AMZ1: variants seen among roughly 807,000 people sequenced by gnomAD.
The protein encoded by AMZ1 is archaemetzincin-1.
A neutral mutation model predicts 29.9 loss-of-function variants in AMZ1; 39 were observed. The observed-to-expected ratio is 1.30, with a 90% CI of 1.01 to 1.70. The LOEUF is 1.70. Ranked by LOEUF, AMZ1 falls within the 40% of genes most tolerant of loss-of-function variation. AMZ1 has a pLI of 0.00. For missense variants in AMZ1, 1,041 were observed against 680.6 expected (o/e 1.53, Z -5.89); for synonymous variants, 458 against 304.0 (o/e 1.51, Z -5.27).
intron 4 of AMZ1, among the ~76,000 whole-genome samples, chr7:2,743,408 C>T (rs1008170519): frequency 3.2e-4 from 48 of 152,230 alleles, no homozygotes; most frequent in Non-Finnish European, 2.1e-4. Flanking sequence ...TCATCAGGGG[C>T]AAAAACAATC....
chr7:2,765,054 A>G (rs1791746692), intron 1 of AMZ1: 1 of 152,226 alleles, frequency 6.6e-6, no homozygotes, highest in Non-Finnish European at 1.5e-5. Context: ...AGAAATCTGA[A>G]TCCAGGGAAT....
rs559778554 is a variant in AMZ1, at chr7:2,740,393, G to A, written n.551-24319G>A. Among the ~76,000 whole-genome samples, 156 of 152,196 alleles carry A rather than the reference G, an allele frequency of 1.0e-3. 1 individual carries two copies. The highest frequency in any genetic ancestry group is 3.6e-3 in the African/African-American group (149 of 41,542). ...ACCGGAGAGCTCTCCCTCTCACTCC[G>A]TCCTATGTGAGGCACCAGGACACAG... On this transcript the variant is annotated intron_variant and non_coding_transcript_variant, in intron 4 of 4. Transcript: ENST00000489665.
rs1027124035 is a variant in AMZ1 at position 2,699,441 on chromosome 7, A to C, written c.-218-793A>C. Among the ~76,000 whole-genome samples, 5 of 152,036 alleles carry C rather than the reference A, an allele frequency of 3.3e-5. No individual in the cohort carries two copies. The East Asian group carries it at 9.6e-4, about 29-fold the overall frequency. ...CTGTTTCTAGCTGGTGGGGTTTGGC[A>C]CAAACGCCTGCCCTGACTGCTTCAT... is the stretch of plus-strand genomic sequence containing the variant. On this transcript the variant is annotated intron_variant, in intron 1 of 6. Transcript: ENST00000683327.
At chr7:2,754,717 C>G (rs1042310676) in intron 4 of AMZ1, among the ~76,000 whole-genome samples, 1 of 152,176 alleles carries the variant, frequency 6.6e-6, no homozygotes. Context: ...CCACTACACT[C>G]CAGTCCGAGC....
At chr7:2,696,514 C>T (rs1466330248) in intron 1 of AMZ1, among the ~76,000 whole-genome samples, 2 of 151,084 alleles carry the variant, frequency 1.3e-5, no homozygotes, top group South Asian at 2.1e-4. Flanking sequence ...GCCTGGGCCT[C>T]CCAAAGTGCT....
intron 3 of AMZ1, among the ~76,000 whole-genome samples, chr7:2,706,305 C>T (rs182324948): frequency 3.7e-4 from 56 of 152,246 alleles, no homozygotes; most frequent in Admixed American, 9.8e-4. Context: ...TAGCTGGGAC[C>T]GCAGACACGT....
At chr7:2,711,091 TG>T (rs1441931032) in intron 6 of AMZ1, among the ~76,000 whole-genome samples, 1 of 152,218 alleles carries the variant, frequency 6.6e-6, no homozygotes, top group Admixed American at 6.5e-5. Flanking sequence ...GGATCTGAGC[TG>T]GAGGGTGTAG....
downstream of AMZ1, among the ~76,000 whole-genome samples, chr7:2,721,448 A>G (rs1183017818): frequency 6.6e-6 from 1 of 152,112 alleles, no homozygotes; most frequent in Non-Finnish European, 1.5e-5. Flanking sequence ...GGCTGGGCGC[A>G]GTGGGTCACT....
chr7:2,716,288 CCT>C lies in AMZ1; in HGVS notation c.*3415_*3416del, dbSNP rs1390259029. 2 of 152,274 alleles carry C rather than the reference CCT, an allele frequency of 1.3e-5. No homozygotes were observed. The highest frequency in any genetic ancestry group is 1.9e-4 in the East Asian group (1 of 5,170). 9.4% of individuals were successfully genotyped at this position (152,274 alleles called of 1,614,324 possible). ...CCTCTTCCGAAATCTCATTCTTTTC[CCT>C]CTCTTCCTCCCCAAAAAGCCCAAAC... is the stretch of plus-strand genomic sequence containing the variant. On this transcript the variant is annotated 3_prime_UTR_variant, in exon 7 of 7. Transcript: ENST00000683327.
At chr7:2,691,131 C>CAA (rs35603123) in intron 1 of AMZ1, among the ~76,000 whole-genome samples, 14,017 of 68,482 alleles carry the variant, frequency 0.2, 1,695 homozygotes, top group East Asian at 0.28. Context: ...GTGACAGAGG[C>CAA]AAAAAAAAAA....
chr7:2,710,985 C>G (rs1044484424), intron 6 of AMZ1, among the ~76,000 whole-genome samples: 2 of 152,234 alleles, frequency 1.3e-5, no homozygotes, highest in African/African-American at 2.4e-5. Flanking sequence ...CATTTGATGC[C>G]TTCACCTGGG....
chr7:2,741,475 G>A (rs992818503), intron 4 of AMZ1, among the ~76,000 whole-genome samples: 2 of 152,214 alleles, frequency 1.3e-5, no homozygotes, highest in Admixed American at 1.3e-4. Context: ...GCATGTCACA[G>A]TTGGACTGCC....
At chr7:2,703,410 G>C (rs1788175359) in intron 3 of AMZ1, among the ~76,000 whole-genome samples, 1 of 152,174 alleles carries the variant, frequency 6.6e-6, no homozygotes, top group African/African-American at 2.4e-5. Context: ...CAAAGTGCTG[G>C]GATGACAGGC....
At chr7:2,696,416 C>T (rs1168155397) in intron 1 of AMZ1, among the ~76,000 whole-genome samples, 2 of 151,008 alleles carry the variant, frequency 1.3e-5, no homozygotes, top group South Asian at 2.1e-4. Context: ...GCCACCACGC[C>T]TGGCTAATTT....
chr7:2,700,317 C>CTT lies in AMZ1; in HGVS notation c.-134_-133insTT, dbSNP rs1787972334. 5.9e-6 allele frequency: 6 copies of CTT among 1,020,050 alleles called. No individual in the cohort carries two copies. Among genetic ancestry groups the CTT allele is most frequent in the Admixed American group, 5.4e-5 (2 of 36,708 alleles). The allele number at this position is 1,020,050 out of a possible 1,614,324, so 63.2% of individuals were successfully genotyped here. Reference sequence around the variant, plus strand: ...GCCTTAAGGGCCCTTGGACCAGTGTCTGTCTGCAGGGAGCCCCCGGTAGCC... The same window carrying CTT: ...GCCTTAAGGGCCCTTGGACCAGTGTCTTTGTCTGCAGGGAGCCCCCGGTAGCC... On this transcript the variant is annotated 5_prime_UTR_variant, in exon 2 of 7. Transcript: ENST00000683327.
rs1007710619 is a variant in AMZ1, at chr7:2,718,526, G to A, written c.*5648G>A. Among the ~76,000 whole-genome samples, 4 of 152,144 alleles carry A rather than the reference G, an allele frequency of 2.6e-5. No individual in the cohort carries two copies. The highest frequency in any genetic ancestry group is 2.1e-4 in the South Asian group (1 of 4,826). ...ACTCTTGGACGCTGGTGGCAGCCGC[G>A]GGCGCCCACTCACCTGGCACGTGGA... On this transcript the variant is annotated 3_prime_UTR_variant, in exon 7 of 7. Coordinates refer to ENST00000683327, the MANE Select transcript of AMZ1 (RefSeq NM_001384743.1).
chr7:2,741,888 C>T (rs1790525117), intron 4 of AMZ1, among the ~76,000 whole-genome samples: 1 of 150,848 alleles, frequency 6.6e-6, no homozygotes, highest in Non-Finnish European at 1.5e-5. Context: ...GTATTAGACA[C>T]CGAGGTTTAT....
At chr7:2,707,646 A>T (rs1393915066) in intron 3 of AMZ1, among the ~76,000 whole-genome samples, 10 of 152,014 alleles carry the variant, frequency 6.6e-5, no homozygotes, top group Non-Finnish European at 1.0e-4. Flanking sequence ...CCCACTGCCC[A>T]GGCTAAAGTC....
At chr7:2,685,559 CAAAA>C (rs56989894), upstream of AMZ1, among the ~76,000 whole-genome samples, 1 of 118,716 alleles carries the variant, frequency 8.4e-6, no homozygotes, top group Non-Finnish European at 1.8e-5. Flanking sequence ...GACTCCGTCT[CAAAA>C]AAAAAAAAAG....
Sources: allele counts gnomAD v4.1 joint callset (sites outside exome capture counted in the v4.1 genomes callset), GRCh38; gene constraint gnomAD v4.1.1; transcripts MANE v1.5; gene names NCBI Gene and HGNC (gene_info 2026-07-23, HGNC 2026-07-21).